The following TRMT9B variants were observed in gnomAD, a reference collection of about 807,000 sequenced individuals.
TRMT9B encodes the protein probable tRNA methyltransferase 9B.
In TRMT9B, 16 loss-of-function variants were observed where a neutral mutation model predicts 11.5. That is an observed-to-expected ratio of 1.39 (90% confidence interval 0.94 to 2.11). The LOEUF (loss-of-function observed/expected upper bound fraction) is 2.11. Among genes scored for constraint, TRMT9B ranks in the 30% most tolerant of loss-of-function variants. TRMT9B has a pLI of 0.00. For synonymous variants in TRMT9B, 274 were observed against 192.4 expected (o/e 1.42, Z -3.51); for missense variants, 941 against 553.8 (o/e 1.70, Z -7.02).
chr8:12,974,774 G>C (rs1450460138), intron 1 of TRMT9B, among the ~76,000 whole-genome samples: 9 of 152,140 alleles, frequency 5.9e-5, no homozygotes, highest in African/African-American at 1.9e-4. Context: ...CAGCAGGCAG[G>C]GTTTTGTTTT....
intron 1 of TRMT9B, among the ~76,000 whole-genome samples, chr8:12,954,109 G>A (rs1800989634): frequency 1.3e-5 from 2 of 152,178 alleles, no homozygotes; most frequent in African/African-American, 2.4e-5. Flanking sequence ...AATACCCTGT[G>A]TGAATGGTTA....
At chr8:12,994,079 A>T (rs2954183) in intron 2 of TRMT9B, among the ~76,000 whole-genome samples, 2,469 of 152,214 alleles carry the variant, frequency 0.016, 60 homozygotes, top group African/African-American at 0.055. Flanking sequence ...CCACTGCCAC[A>T]GTCAATGTGC....
At chr8:12,954,430 T>C (rs542716941) in intron 1 of TRMT9B, among the ~76,000 whole-genome samples, 13 of 150,688 alleles carry the variant, frequency 8.6e-5, no homozygotes, top group Non-Finnish European at 1.6e-4. Context: ...GCTCATAATA[T>C]TGAGAGCAAA....
At chr8:12,966,955 C>T (rs1189388086) in intron 1 of TRMT9B, among the ~76,000 whole-genome samples, 1 of 152,192 alleles carries the variant, frequency 6.6e-6, no homozygotes, top group Non-Finnish European at 1.5e-5. Context: ...AGATTATAAT[C>T]CAAAAGCATT....
At chr8:12,984,534 C>T (rs1261411391) in intron 1 of TRMT9B, among the ~76,000 whole-genome samples, 1 of 152,174 alleles carries the variant, frequency 6.6e-6, no homozygotes, top group Non-Finnish European at 1.5e-5. Context: ...CCTGCCTAAA[C>T]CTTCTTTCCT....
intron 1 of TRMT9B, among the ~76,000 whole-genome samples, chr8:12,947,782 T>C (rs1800335414): frequency 6.6e-6 from 1 of 152,244 alleles, no homozygotes; most frequent in African/African-American, 2.4e-5. Flanking sequence ...AATTTCATGC[T>C]TTGCTAGGCA....
Position 12,986,402 on chromosome 8 carries a change from A to C in TRMT9B, c.-199-4432A>C, listed in dbSNP as rs368629832. Among the ~76,000 whole-genome samples the C allele has an allele frequency of 5.3e-5, 8 of 152,304 alleles. No individual in the cohort carries two copies. The East Asian group carries it at 1.2e-3, about 22-fold the overall frequency. On this transcript the variant is annotated intron_variant, in intron 1 of 4. Coordinates refer to ENST00000524591, the MANE Select transcript of TRMT9B (RefSeq NM_020844.3). ...TACCAAAAAAGATGCAGAGATCATA[A>C]GACATATTGTCCCTGTCTAGAAAGT...
chr8:13,008,562 T>C (rs1810934115), intron 3 of TRMT9B, among the ~76,000 whole-genome samples: 1 of 152,204 alleles, frequency 6.6e-6, no homozygotes, highest in Admixed American at 6.5e-5. Context: ...ACTGCAAATA[T>C]GGAAGCTGTA....
chr8:12,947,436 T>C (rs1231287990), intron 1 of TRMT9B, among the ~76,000 whole-genome samples: 1 of 152,214 alleles, frequency 6.6e-6, no homozygotes, highest in Non-Finnish European at 1.5e-5. Context: ...AGTAATTTTT[T>C]TGGTAAGTCT....
chr8:12,968,025 C>A (rs1404280972), intron 1 of TRMT9B, among the ~76,000 whole-genome samples: 1 of 152,200 alleles, frequency 6.6e-6, no homozygotes, highest in Non-Finnish European at 1.5e-5. Context: ...GCTGGGACTA[C>A]AGGCACACAC....
At chr8:12,993,906 A>G (rs748685589) in intron 2 of TRMT9B, among the ~76,000 whole-genome samples, 16 of 152,260 alleles carry the variant, frequency 1.1e-4, no homozygotes, top group Admixed American at 3.9e-4. Context: ...AGCTGGCACA[A>G]TAAAAGGAAC....
chr8:13,006,761 C>G, intron 3 of TRMT9B: 1 of 700,226 alleles, frequency 1.4e-6, no homozygotes, highest in Non-Finnish European at 1.9e-6. Context: ...CTCCGCCTCC[C>G]AGGTTCAACT....
At chr8:12,953,768 T>C (rs879718562) in intron 1 of TRMT9B, among the ~76,000 whole-genome samples, 3 of 152,126 alleles carry the variant, frequency 2.0e-5, no homozygotes, top group African/African-American at 4.8e-5. Context: ...AGAAAATCAC[T>C]TGGGAGGGTG....
At chr8:13,010,603 G>C in intron 3 of TRMT9B, 2 of 985,288 alleles carry the variant, frequency 2.0e-6, no homozygotes, top group Non-Finnish European at 2.4e-6. Context: ...AGCATGTCAG[G>C]AGAAAAGACC....
intron 1 of TRMT9B, among the ~76,000 whole-genome samples, chr8:12,982,998 C>T (rs142441173): frequency 1.1e-3 from 164 of 152,328 alleles, no homozygotes; most frequent in African/African-American, 3.3e-3. Context: ...GCACCAACCA[C>T]GGGTTCCCCA....
intron 4 of TRMT9B, among the ~76,000 whole-genome samples, chr8:13,014,815 C>G (rs886079013): frequency 6.6e-6 from 1 of 152,100 alleles, no homozygotes; most frequent in Non-Finnish European, 1.5e-5. Context: ...GTAATCCTAG[C>G]ACTTTGGGAG....
At chr8:12,994,746 A>G (rs1032882452) in intron 2 of TRMT9B, among the ~76,000 whole-genome samples, 8 of 152,254 alleles carry the variant, frequency 5.3e-5, no homozygotes, top group Non-Finnish European at 8.8e-5. Flanking sequence ...CAGTGGCACG[A>G]TCTCAGCTCA....
intron 4 of TRMT9B, among the ~76,000 whole-genome samples, chr8:13,015,379 A>G (rs78664678): frequency 0.02 from 3,002 of 152,078 alleles, 100 homozygotes; most frequent in African/African-American, 0.068. Flanking sequence ...GTAAAGTGAG[A>G]CCAATTTTTT....
At chr8:12,983,993 C>T (rs977462173) in intron 1 of TRMT9B, among the ~76,000 whole-genome samples, 1 of 152,140 alleles carries the variant, frequency 6.6e-6, no homozygotes, top group African/African-American at 2.4e-5. Flanking sequence ...AACATGATTG[C>T]TTATCAGAAG....
Sources: allele counts gnomAD v4.1 joint callset (sites outside exome capture counted in the v4.1 genomes callset), GRCh38; gene constraint gnomAD v4.1.1; transcripts MANE v1.5; gene names NCBI Gene and HGNC (gene_info 2026-07-23, HGNC 2026-07-21).